Variants in LRMDA observed in about 807,000 individuals in gnomAD.
LRMDA encodes the protein leucine rich melanocyte differentiation associated, also known as leucine-rich melanocyte differentiation-associated protein.
In LRMDA, 18 loss-of-function variants were observed where a neutral mutation model predicts 29.8. That is an observed-to-expected ratio of 0.60 (90% CI 0.42 to 0.90). The LOEUF is 0.90. Among genes scored for constraint, LRMDA ranks in the 40% least tolerant of loss-of-function variants. The pLI is 0.00. For synonymous variants in LRMDA, 125 were observed against 109.4 expected, an observed-to-expected ratio of 1.14 and a Z score of -0.89; for missense variants, 273 against 273.9, an observed-to-expected ratio of 1.00 and a Z score of 0.02.
At chr10:75,783,609 G>A (rs889666766) in intron 2 of LRMDA, among the ~76,000 whole-genome samples, 3 of 152,010 alleles carry the variant, frequency 2.0e-5, no homozygotes, top group African/African-American at 7.2e-5. Context: ...GAATCCACGT[G>A]CCATCCCTCC....
intron 2 of LRMDA, among the ~76,000 whole-genome samples, chr10:75,708,725 T>G (rs1842400805): frequency 6.6e-6 from 1 of 152,084 alleles, no homozygotes; most frequent in Non-Finnish European, 1.5e-5. Flanking sequence ...TGATGGAGCT[T>G]GAAAGGAAAA....
intron 5 of LRMDA, among the ~76,000 whole-genome samples, chr10:76,064,333 G>A (rs1039693918): frequency 6.6e-6 from 1 of 152,120 alleles, no homozygotes; most frequent in African/African-American, 2.4e-5. Flanking sequence ...CTGAAGCTGC[G>A]TTCTCCTCGT....
chr10:75,801,466 G>A (rs1049521827), intron 2 of LRMDA, among the ~76,000 whole-genome samples: 2 of 152,202 alleles, frequency 1.3e-5, no homozygotes, highest in African/African-American at 4.8e-5. Flanking sequence ...CAAGGCCATT[G>A]GATTGTCTTC....
chr10:75,827,231 G>A (rs976902388), intron 2 of LRMDA, among the ~76,000 whole-genome samples: 9 of 152,224 alleles, frequency 5.9e-5, no homozygotes, highest in African/African-American at 2.2e-4. Context: ...GAATGGGGTG[G>A]CACGGCTGCT....
At chr10:75,486,861 A>G (rs1844921519) in intron 2 of LRMDA, among the ~76,000 whole-genome samples, 1 of 152,174 alleles carries the variant, frequency 6.6e-6, no homozygotes, top group East Asian at 1.9e-4. Flanking sequence ...GCAGTGGAGG[A>G]TAGCACGTGA....
rs1841441491 is a variant in LRMDA at position 76,370,470 on chromosome 10, A to G, written c.601+45985A>G. On this transcript the variant is annotated intron_variant, in intron 6 of 6. Coordinates refer to ENST00000611255, the MANE Select transcript of LRMDA (RefSeq NM_001305581.2). ...CAATCATGTTAGAGAAATGGATTCC[A>G]GTGTTTGCAAGTGACCCCTTATCCT... Among the ~76,000 whole-genome samples the G allele has an allele frequency of 3.9e-5, 6 of 152,292 alleles. No individual in the cohort carries two copies. The South Asian group carries it at 1.2e-3, about 32-fold the overall frequency.
At chr10:75,969,219 G>A (rs186138853) in intron 2 of LRMDA, among the ~76,000 whole-genome samples, 2 of 152,286 alleles carry the variant, frequency 1.3e-5, no homozygotes, top group African/African-American at 4.8e-5. Flanking sequence ...GGTTTGTCCT[G>A]TGGTCATCTG....
chr10:76,341,253 G>C (rs1017341879), intron 6 of LRMDA, among the ~76,000 whole-genome samples: 1 of 152,096 alleles, frequency 6.6e-6, no homozygotes, highest in Non-Finnish European at 1.5e-5. Flanking sequence ...ATTACGAATA[G>C]CTATATAGCA....
intron 6 of LRMDA, among the ~76,000 whole-genome samples, chr10:76,460,144 A>G (rs1589196541): frequency 6.6e-6 from 1 of 152,070 alleles, no homozygotes. Context: ...TTATTGTCTT[A>G]TATGTTGGTC....
In LRMDA at chr10:76,401,565, T is replaced by C. The variant is rs376804371; in HGVS notation, c.601+77080T>C. ...GCCAGTGCCTTCTGCCTCCCTGACA[T>C]AGATTCTAACCCACTTGTTCTCCTC... On this transcript the variant is annotated intron_variant, in intron 6 of 6. Transcript: ENST00000611255. Among the ~76,000 whole-genome samples, 66 of 152,206 alleles carry C rather than the reference T, an allele frequency of 4.3e-4. 1 individual carries two copies. In the South Asian group the frequency reaches 4.4e-3, roughly 10 times the overall value.
chr10:75,934,701 T>A (rs1489268139), intron 2 of LRMDA, among the ~76,000 whole-genome samples: 1 of 152,082 alleles, frequency 6.6e-6, no homozygotes, highest in Non-Finnish European at 1.5e-5. Flanking sequence ...GGTCAGTGCC[T>A]GCAAATGGTG....
At chr10:75,941,219 A>AG (rs1230346441) in intron 2 of LRMDA, among the ~76,000 whole-genome samples, 2 of 152,204 alleles carry the variant, frequency 1.3e-5, no homozygotes, top group African/African-American at 4.8e-5. Context: ...TATACTCCAC[A>AG]GGCCAGCTCC....
chr10:75,626,232 A>G (rs1364150473), intron 2 of LRMDA, among the ~76,000 whole-genome samples: 2 of 152,086 alleles, frequency 1.3e-5, no homozygotes, highest in Non-Finnish European at 2.9e-5. Context: ...CACTGAGAAC[A>G]GCATGCGTGG....
At chr10:75,510,386 G>A (rs1300253377) in intron 2 of LRMDA, among the ~76,000 whole-genome samples, 1 of 152,226 alleles carries the variant, frequency 6.6e-6, no homozygotes, top group East Asian at 1.9e-4. Flanking sequence ...GTGAAGAAAA[G>A]CATAGATGCT....
intron 6 of LRMDA, among the ~76,000 whole-genome samples, chr10:76,348,142 C>G (rs1392590883): frequency 6.6e-6 from 1 of 152,088 alleles, no homozygotes; most frequent in African/African-American, 2.4e-5. Context: ...CAATGAAAAA[C>G]AGAGATTAGA....
intron 5 of LRMDA, among the ~76,000 whole-genome samples, chr10:76,168,595 T>C (rs1850781419): frequency 6.6e-6 from 1 of 152,060 alleles, no homozygotes; most frequent in African/African-American, 2.4e-5. Flanking sequence ...GTTTAGGTAG[T>C]TCAAGGGTAA....
chr10:75,741,144 G>A (rs1842823912), intron 2 of LRMDA, among the ~76,000 whole-genome samples: 1 of 152,178 alleles, frequency 6.6e-6, no homozygotes, highest in South Asian at 2.1e-4. Context: ...ATAGGAAACA[G>A]ATAGCAAACA....
At chr10:75,694,420 A>G (rs1287490303) in intron 2 of LRMDA, among the ~76,000 whole-genome samples, 1 of 152,208 alleles carries the variant, frequency 6.6e-6, no homozygotes, top group Non-Finnish European at 1.5e-5. Context: ...AGGCAGTTGT[A>G]TGGGAGTGAG....
At chr10:76,259,522 A>G (rs1839907366) in intron 5 of LRMDA, among the ~76,000 whole-genome samples, 3 of 152,080 alleles carry the variant, frequency 2.0e-5, no homozygotes, top group Non-Finnish European at 4.4e-5. Context: ...ATCTGCTGAT[A>G]ATAATGTGTA....
Sources: gnomAD v4.1 joint callset for allele counts (sites outside exome capture counted in the v4.1 genomes callset) on GRCh38, gnomAD v4.1.1 for gene constraint, MANE v1.5 for transcripts, NCBI Gene and HGNC (gene_info 2026-07-23, HGNC 2026-07-21) for gene names.